Variants in AIDA observed in about 807,000 individuals in gnomAD.
AIDA encodes the protein axin interactor, dorsalization-associated protein.
AIDA carries 18 observed loss-of-function variants against 42.7 expected under a neutral mutation model. The observed-to-expected ratio is 0.42, with a 90% CI of 0.29 to 0.63. The LOEUF (loss-of-function observed/expected upper bound fraction) is 0.63, where lower values mean the gene tolerates loss of function less well. Among genes scored for constraint, AIDA ranks in the 20% least tolerant of loss-of-function variants. AIDA has a pLI of 0.19. For missense variants in AIDA, 250 were observed against 354.1 expected (o/e 0.71, Z 2.36); for synonymous variants, 104 against 122.9 (o/e 0.85, Z 1.02).
intron 6 of AIDA, among the ~76,000 whole-genome samples, chr1:222,681,501 T>C (rs1465620171): frequency 1.3e-5 from 2 of 152,024 alleles, no homozygotes; most frequent in Non-Finnish European, 2.9e-5. Flanking sequence ...CTGCCTGCAC[T>C]AAAAATACAA....
chr1:222,689,520 T>TATATATATACAC (rs765351898), intron 4 of AIDA, among the ~76,000 whole-genome samples: 120 of 58,038 alleles, frequency 2.1e-3, no homozygotes, highest in South Asian at 9.0e-3. Flanking sequence ...TATATATATA[T>TATATATATACAC]ACACACATAC....
In AIDA at chr1:222,670,306, A is replaced by G. The variant is rs929663253; in HGVS notation, c.707-56T>C. 1.5e-5 allele frequency: 22 copies of G among 1,422,144 alleles called. No homozygotes were observed. In the East Asian group the frequency reaches 1.9e-4, roughly 12 times the overall value. The allele number at this position is 1,422,144 out of a possible 1,614,324, so 88.1% of individuals were successfully genotyped here. ...CAGATAGCACATTTCTTGTGTGTCA[A>G]TTAATTTTCTTTGATCACCAGAAGC... On this transcript the variant is annotated intron_variant, in intron 8 of 9. Coordinates refer to ENST00000340020, the MANE Select transcript of AIDA (RefSeq NM_022831.4).
intron 4 of AIDA, among the ~76,000 whole-genome samples, chr1:222,692,836 T>A (rs539211555): frequency 1.3e-5 from 2 of 152,330 alleles, no homozygotes; most frequent in African/African-American, 4.8e-5. Context: ...AGAAGTAGTA[T>A]GTGACTGAGG....
At chr1:222,711,923 A>G (rs1240681258) in intron 1 of AIDA, 1 of 380,484 alleles carries the variant, frequency 2.6e-6, no homozygotes, top group Non-Finnish European at 4.8e-6. Context: ...AACTAAGCAG[A>G]TAGCCTGCTG....
At chr1:222,686,888 G>A (rs766713322) in intron 6 of AIDA, 42 bp downstream of exon 6, 5 of 1,587,420 alleles carry the variant, frequency 3.1e-6, no homozygotes, top group African/African-American at 1.3e-5. Flanking sequence ...CCTGACTCTG[G>A]TTGCAGTTAA....
chr1:222,697,557 C>T (rs1347931523), intron 2 of AIDA, among the ~76,000 whole-genome samples: 1 of 151,494 alleles, frequency 6.6e-6, no homozygotes, highest in African/African-American at 2.4e-5. Context: ...ATTAACTGCT[C>T]ATATCCAATA....
At chr1:222,698,580 T>A (rs1655585940) in intron 2 of AIDA, among the ~76,000 whole-genome samples, 1 of 151,780 alleles carries the variant, frequency 6.6e-6, no homozygotes, top group South Asian at 2.1e-4. Context: ...ACCTCCCAAG[T>A]AGCTGGGATT....
At chr1:222,702,885 A>C (rs1225400877) in intron 2 of AIDA, among the ~76,000 whole-genome samples, 1 of 152,262 alleles carries the variant, frequency 6.6e-6, no homozygotes, top group African/African-American at 2.4e-5. Context: ...CGAAAGCATG[A>C]ATGGTCTCCA....
Position 222,669,913 on chromosome 1 carries a change from G to C in AIDA, c.901C>G (p.Gln301Glu). 1 of 1,611,682 alleles carries C rather than the reference G, an allele frequency of 6.2e-7. No individual in the cohort carries two copies. ...CAGGATCATTCCTTGTGCAAAGTTT[G>C]ATGTAGATGAAGATAAAGTGGTTTC... is the stretch of plus-strand genomic sequence containing the variant. The part of the protein sequence containing the change: ...TKKPLYLHLH[Q>E]TLHKE Residue 301 changes from glutamine (Q) to glutamate (E), a missense_variant, in exon 10 of 10, where the codon CAA (glutamine) becomes GAA (glutamate). By Grantham distance (29) the Gln-to-Glu change is conservative (BLOSUM62 2). Transcript: ENST00000340020.
intron 1 of AIDA, among the ~76,000 whole-genome samples, chr1:222,706,854 C>CA (rs767799244): frequency 0.037 from 2,629 of 71,742 alleles, 56 homozygotes; most frequent in East Asian, 0.066. Context: ...GACTGCGCCT[C>CA]AAAAAAAAAA....
chr1:222,688,353 C>T (rs1258996451), intron 4 of AIDA, among the ~76,000 whole-genome samples: 1 of 152,092 alleles, frequency 6.6e-6, no homozygotes, highest in East Asian at 1.9e-4. Context: ...ATTTATTATA[C>T]TGAGTCCTGG....
chr1:222,703,027 T>C (rs1655749994), intron 2 of AIDA, 121 bp downstream of exon 2: 5 of 680,984 alleles, frequency 7.3e-6, no homozygotes, highest in Non-Finnish European at 1.2e-5. Context: ...TATCATTCTT[T>C]TTACTTAAGT....
At chr1:222,695,824 G>GC (rs1452479213) in intron 2 of AIDA, among the ~76,000 whole-genome samples, 4 of 152,050 alleles carry the variant, frequency 2.6e-5, no homozygotes, top group African/African-American at 7.2e-5. Context: ...AAAAAAGCAT[G>GC]TTTTTCTAAA....
rs562175099 is a variant in AIDA at position 222,670,139 on chromosome 1, A to G, written c.818T>C (p.Ile273Thr). Residue 273 changes from isoleucine (I) to threonine (T), a missense_variant, in exon 9 of 10, where the codon ATA (isoleucine) becomes ACA (threonine). Physicochemically the swap from Ile to Thr is moderately conservative, Grantham distance 89. Around this residue, in one of 4 missense-constraint regions of AIDA, gnomAD observed 35 missense variants for 75.9 expected, o/e 0.46. Coordinates refer to ENST00000340020, the MANE Select transcript of AIDA (RefSeq NM_022831.4). The stretch of plus-strand genomic sequence containing the variant: ...CTATATGCACATCACTTACAGTTCT[A>G]TTACAATTGGCCCAGGTTTAATTTC... Reference protein sequence around the residue: ...MDEIKPGPIVIELYKKPTDFK... With the variant: ...MDEIKPGPIVTELYKKPTDFK... The G allele has an allele frequency of 6.2e-7, 1 of 1,613,800 alleles. No homozygotes were observed. The highest frequency in any genetic ancestry group is 2.2e-5 in the East Asian group (1 of 44,848).
At chr1:222,709,560 G>A (rs1182414013) in intron 1 of AIDA, among the ~76,000 whole-genome samples, 2 of 151,956 alleles carry the variant, frequency 1.3e-5, no homozygotes, top group Non-Finnish European at 2.9e-5. Context: ...AGTGGGGTTG[G>A]ACAAGAGACT....
intron 1 of AIDA, 32 bp downstream of exon 1, chr1:222,712,176 G>C (rs1656092761): frequency 6.4e-7 from 1 of 1,569,152 alleles, no homozygotes; most frequent in Admixed American, 1.8e-5. Flanking sequence ...GACTGGAGCC[G>C]GTCTGGCCTG....
intron 1 of AIDA, among the ~76,000 whole-genome samples, chr1:222,711,145 G>A (rs1347132266): frequency 6.6e-6 from 1 of 152,156 alleles, no homozygotes; most frequent in African/African-American, 2.4e-5. Flanking sequence ...TTCATACTCA[G>A]TGAAATCTCA....
intron 6 of AIDA, among the ~76,000 whole-genome samples, chr1:222,682,929 G>A (rs892759756): frequency 1.2e-4 from 19 of 152,168 alleles, no homozygotes; most frequent in African/African-American, 4.1e-4. Context: ...ACAGGTCATA[G>A]TGATACCATT....
At chr1:222,674,270 G>C (rs1664507770) in intron 7 of AIDA, among the ~76,000 whole-genome samples, 2 of 152,134 alleles carry the variant, frequency 1.3e-5, no homozygotes, top group Non-Finnish European at 2.9e-5. Context: ...GAGGGGATGG[G>C]AGATTTCGCG....
Sources: gnomAD v4.1 joint callset for allele counts (sites outside exome capture counted in the v4.1 genomes callset) on GRCh38, gnomAD v4.1.1 for gene constraint, gnomAD v4.1.1 regional missense constraint, MANE v1.5 for transcripts, NCBI Gene and HGNC (gene_info 2026-07-23, HGNC 2026-07-21) for gene names.